The following PFKFB3 variants were observed in gnomAD, a reference collection of about 807,000 sequenced individuals.
The protein encoded by PFKFB3 is 6-phosphofructo-2-kinase/fructose-2,6-biphosphatase 3.
A neutral mutation model predicts 68.0 loss-of-function variants in PFKFB3; 33 were observed. That is an observed-to-expected ratio of 0.49 (90% CI 0.37 to 0.65). The LOEUF (loss-of-function observed/expected upper bound fraction) is 0.65, where lower values mean the gene tolerates loss of function less well. Ranked by LOEUF, PFKFB3 falls within the 30% of genes least tolerant of loss-of-function variation. The pLI is 0.00. For missense variants in PFKFB3, 586 were observed against 712.2 expected, an observed-to-expected ratio of 0.82 and a Z score of 2.02; for synonymous variants, 315 against 288.2, an observed-to-expected ratio of 1.09 and a Z score of -0.94.
the PFKFB3 span, among the ~76,000 whole-genome samples, chr10:6,319,486 T>C: frequency 3.3e-5 from 5 of 152,194 alleles, no homozygotes; most frequent in African/African-American, 1.2e-4. Flanking sequence ...AGTAAAATAA[T>C]AGACATTGGA....
chr10:6,187,980 C>CTATCTATCTATCTATCT (rs1564606840), intron 1 of PFKFB3, among the ~76,000 whole-genome samples: 5 of 82,776 alleles, frequency 6.0e-5, no homozygotes, highest in African/African-American at 3.2e-4. Flanking sequence ...TCTATCTATC[C>CTATCTATCTATCTATCT]ATCCATCCAT....
chr10:6,212,186 G>T (rs12359693), intron 1 of PFKFB3, among the ~76,000 whole-genome samples: 1,871 of 152,384 alleles, frequency 0.012, 23 homozygotes, highest in Non-Finnish European at 0.021. Context: ...GGGCCGTGCC[G>T]CCCAGGCGGG....
chr10:6,223,334 C>CT (rs1845094407), intron 11 of PFKFB3, among the ~76,000 whole-genome samples: 1 of 152,224 alleles, frequency 6.6e-6, no homozygotes, highest in African/African-American at 2.4e-5. Flanking sequence ...CCGGAAAACT[C>CT]TGACAATCCC....
intron 6 of PFKFB3, among the ~76,000 whole-genome samples, chr10:6,218,357 T>TA (rs398114020): frequency 1.3e-5 from 2 of 151,780 alleles, no homozygotes; most frequent in African/African-American, 2.4e-5. Context: ...ATTTTTTTTT[T>TA]AAATTGTGGT....
intron 1 of PFKFB3, among the ~76,000 whole-genome samples, chr10:6,176,468 GCC>G (rs1842476276): frequency 6.6e-6 from 1 of 152,086 alleles, no homozygotes; most frequent in Non-Finnish European, 1.5e-5. Flanking sequence ...AGTACAGTGG[GCC>G]CATCATCGCT....
rs548576391 is a variant in PFKFB3, at chr10:6,184,232, T to C, written c.17-29391T>C. On this transcript the variant is annotated intron_variant, in intron 1 of 14. Coordinates refer to the PFKFB3 transcript ENST00000379789. ...CACGCCCGGTTAATTTTTGTATTTT[T>C]AGTAGAGACGGGGTTTCGCCATGTT... Among the ~76,000 whole-genome samples, 10 of 152,014 alleles carry C rather than the reference T, an allele frequency of 6.6e-5. No individual in the cohort carries two copies. The East Asian group carries it at 1.9e-3, about 30-fold the overall frequency.
At chr10:6,302,362 G>GTTTT in the PFKFB3 span, among the ~76,000 whole-genome samples, 13 of 78,516 alleles carry the variant, frequency 1.7e-4, no homozygotes, top group African/African-American at 7.1e-4. Flanking sequence ...TGCCTGGCCA[G>GTTTT]TTTTTTTTTT....
rs200626252 is a variant in PFKFB3 at position 6,224,039 on chromosome 10, C to T, written c.1276+19C>T. On this transcript the variant is annotated intron_variant, in intron 12 of 14. Transcript: ENST00000379775. ...GCTTATGGTGAGTAGCAACCCCTGC[C>T]AAGCCCTGTCCCCCTGAAGGTGGCC... The T allele has an allele frequency of 1.2e-6, 2 of 1,613,920 alleles. No individual in the cohort carries two copies. Among genetic ancestry groups the T allele is most frequent in the African/African-American group, 2.7e-5 (2 of 74,950 alleles).
chr10:6,225,215 A>G (rs866742005), intron 13 of PFKFB3: 1 of 456,234 alleles, frequency 2.2e-6, no homozygotes, highest in Non-Finnish European at 4.4e-6. Context: ...TCTTAGACCG[A>G]GCGTGACTTT....
chr10:6,270,703 G>A, the PFKFB3 span, among the ~76,000 whole-genome samples: 2 of 152,106 alleles, frequency 1.3e-5, no homozygotes, highest in Non-Finnish European at 1.5e-5. Context: ...CCCACCCTCC[G>A]GGCTAGATTA....
chr10:6,193,556 G>A (rs1258611845), intron 1 of PFKFB3, among the ~76,000 whole-genome samples: 1 of 152,140 alleles, frequency 6.6e-6, no homozygotes, highest in African/African-American at 2.4e-5. Context: ...TTACTCTCAG[G>A]TTTCTGTCTC....
At position 6,202,936 on chromosome 10, in the gene PFKFB3, A is replaced by C. The variant is rs913322325; in HGVS notation, c.-325A>C. Reference sequence around the variant, plus strand: ...CGGCGGTGCGCGGGGCATCCCAGCCAAGCCGGAGAGGAGGCGAGCAGCAGG... The same window carrying C: ...CGGCGGTGCGCGGGGCATCCCAGCCCAGCCGGAGAGGAGGCGAGCAGCAGG... On this transcript the variant is annotated 5_prime_UTR_variant, in exon 1 of 15. Transcript: ENST00000379775. The C allele has an allele frequency of 1.1e-5, 13 of 1,224,618 alleles. No individual in the cohort carries two copies. Among genetic ancestry groups the C allele is most frequent in the Admixed American group, 4.7e-5 (1 of 21,428 alleles). The allele number at this position is 1,224,618 out of a possible 1,614,324, so 75.9% of individuals were successfully genotyped here.
At chr10:6,194,462 C>T (rs773422511) in intron 1 of PFKFB3, among the ~76,000 whole-genome samples, 12 of 152,200 alleles carry the variant, frequency 7.9e-5, no homozygotes, top group Non-Finnish European at 1.3e-4. Context: ...TTCAATGGGA[C>T]GTGACAGCTG....
chr10:6,203,072 T>C lies in PFKFB3; in HGVS notation c.-189T>C. 1 of 1,408,552 alleles carries C rather than the reference T, an allele frequency of 7.1e-7. No homozygotes were observed. The highest frequency in any genetic ancestry group is 9.2e-7 in the Non-Finnish European group (1 of 1,086,604). 87.3% of individuals were successfully genotyped at this position (1,408,552 alleles called of 1,614,324 possible). ...AGCCTCGCTACCCTCGCAGCACACGTCGAGCCCCGCACAGGCGAGGGTCCG... is the reference window on the plus strand; with the variant it reads ...AGCCTCGCTACCCTCGCAGCACACGCCGAGCCCCGCACAGGCGAGGGTCCG... On this transcript the variant is annotated 5_prime_UTR_variant, in exon 1 of 15. Coordinates refer to ENST00000379775, the MANE Select transcript of PFKFB3 (RefSeq NM_004566.4).
chr10:6,265,666 C>T, the PFKFB3 span, among the ~76,000 whole-genome samples: 1 of 152,170 alleles, frequency 6.6e-6, no homozygotes, highest in African/African-American at 2.4e-5. Context: ...TTACTATTTT[C>T]TCCCTTGGAG....
intron 14 of PFKFB3, among the ~76,000 whole-genome samples, chr10:6,240,590 G>C (rs901407320): frequency 2.0e-5 from 3 of 152,010 alleles, no homozygotes; most frequent in African/African-American, 7.3e-5. Flanking sequence ...TTACAGAAGA[G>C]TTGCAAAGAC....
At chr10:6,202,173 C>T (rs1349500016), upstream of PFKFB3, among the ~76,000 whole-genome samples, 1 of 152,210 alleles carries the variant, frequency 6.6e-6, no homozygotes. Context: ...TGCCCCCAGC[C>T]CCAGTCCACT....
chr10:6,145,722 G>A (rs1841366239), intron 1 of PFKFB3, among the ~76,000 whole-genome samples: 1 of 152,188 alleles, frequency 6.6e-6, no homozygotes, highest in African/African-American at 2.4e-5. Context: ...GCGTGAGGAT[G>A]GGAGCCGTCC....
At chr10:6,200,091 G>A (rs1843289676), upstream of PFKFB3, among the ~76,000 whole-genome samples, 1 of 151,910 alleles carries the variant, frequency 6.6e-6, no homozygotes, top group Admixed American at 6.6e-5. Flanking sequence ...TTTCTTCTTT[G>A]ATCTCTGACC....
Sources: gnomAD v4.1 joint callset for allele counts (sites outside exome capture counted in the v4.1 genomes callset) on GRCh38, gnomAD v4.1.1 for gene constraint, MANE v1.5 for transcripts, NCBI Gene and HGNC (gene_info 2026-07-23, HGNC 2026-07-21) for gene names.